The following LRRK1 variants were observed in gnomAD, a reference collection of about 807,000 sequenced individuals.
LRRK1 encodes the protein leucine rich repeat kinase 1.
LRRK1 carries 113 observed loss-of-function variants against 209.1 expected under a neutral mutation model. The ratio of observed to expected loss-of-function variants is 0.54; its 90% confidence interval spans 0.46 to 0.63. LRRK1 has a LOEUF of 0.63. LRRK1 is among the 30% of genes least tolerant of loss of function. The pLI is 0.00. For synonymous variants in LRRK1, 1,144 were observed against 1,099.7 expected (o/e 1.04, Z -0.80); for missense variants, 2,284 against 2,632.2 (o/e 0.87, Z 2.89).
At chr15:101,009,662 A>G (rs1442147038) in intron 7 of LRRK1, among the ~76,000 whole-genome samples, 1 of 152,144 alleles carries the variant, frequency 6.6e-6, no homozygotes, top group East Asian at 1.9e-4. Context: ...ATCTCGGCTC[A>G]TGGCAACCTG....
intron 27 of LRRK1, 127 bp downstream of exon 27, chr15:101,055,350 T>C: frequency 1.1e-6 from 1 of 911,182 alleles, no homozygotes; most frequent in Non-Finnish European, 1.5e-6. Flanking sequence ...TTTCTCACTC[T>C]CCCTTGCTCA....
intron 3 of LRRK1, among the ~76,000 whole-genome samples, chr15:100,981,921 T>C (rs1035782995): frequency 6.6e-6 from 1 of 152,244 alleles, no homozygotes; most frequent in Non-Finnish European, 1.5e-5. Flanking sequence ...CAAATGTGCT[T>C]GTCGGGGGCT....
chr15:101,014,571 A>G (rs1000570624), intron 11 of LRRK1, 143 bp downstream of exon 11: 17 of 665,338 alleles, frequency 2.6e-5, no homozygotes, highest in Non-Finnish European at 4.2e-5. Context: ...TCACTGCCTC[A>G]CAGCCCTGGG....
intron 22 of LRRK1, chr15:101,049,351 A>G: frequency 3.1e-6 from 1 of 321,678 alleles, no homozygotes; most frequent in South Asian, 7.2e-5. Flanking sequence ...GAGCATACTG[A>G]GGTTCAGGGA....
intron 2 of LRRK1, among the ~76,000 whole-genome samples, chr15:100,951,297 G>A (rs894095777): frequency 6.6e-6 from 1 of 152,208 alleles, no homozygotes; most frequent in African/African-American, 2.4e-5. Context: ...ATGGCAAGCG[G>A]TAGTCAGGAT....
chr15:100,954,273 A>G lies in LRRK1; in HGVS notation c.98-19531A>G, dbSNP rs887395096. On this transcript the variant is annotated intron_variant, in intron 2 of 33. Transcript: ENST00000388948. ...TTAGACGTGCCGACAACCTTTTCCT[A>G]TACCTTTGGTCATTTGTATGTCTTC... 2.0e-5 allele frequency among the ~76,000 whole-genome samples: 3 copies of G among 152,070 alleles called. No individual in the cohort carries two copies. The East Asian group carries it at 5.8e-4, about 29-fold the overall frequency.
At chr15:100,955,279 T>C (rs2042730278) in intron 2 of LRRK1, among the ~76,000 whole-genome samples, 1 of 152,222 alleles carries the variant, frequency 6.6e-6, no homozygotes, top group Non-Finnish European at 1.5e-5. Flanking sequence ...GGGATTGTTT[T>C]CTTAATTTCT....
In LRRK1 at chr15:101,024,424, C is replaced by A. The variant is rs1486596144; in HGVS notation, c.2068-379C>A. The stretch of plus-strand genomic sequence containing the variant: ...GAGCCCCACAAGTTCAGAGGCCCAT[C>A]TCCTCCTCTTGCCCTGGCACACAGG... On this transcript the variant is annotated intron_variant, in intron 15 of 33. Coordinates refer to ENST00000388948, the MANE Select transcript of LRRK1 (RefSeq NM_024652.6). This position sits in a 1 kb window ranked among gnomAD's most constrained non-coding sequence, Gnocchi z 4.6. Among the ~76,000 whole-genome samples the A allele has an allele frequency of 6.6e-6, 1 of 152,226 alleles. No individual in the cohort carries two copies. Among genetic ancestry groups the A allele is most frequent in the Non-Finnish European group, 1.5e-5 (1 of 68,030 alleles).
intron 2 of LRRK1, among the ~76,000 whole-genome samples, chr15:100,955,930 G>T (rs760966701): frequency 6.6e-5 from 10 of 152,252 alleles, no homozygotes; most frequent in Non-Finnish European, 1.2e-4. Flanking sequence ...GTTCAGCAGG[G>T]ATATTGGTCT....
chr15:101,026,062 A>G lies in LRRK1; in HGVS notation c.2330A>G (p.Tyr777Cys). The G allele has an allele frequency of 1.9e-6, 3 of 1,614,236 alleles. No individual in the cohort carries two copies. Among genetic ancestry groups the G allele is most frequent in the Non-Finnish European group, 2.5e-6 (3 of 1,180,026 alleles). ...GAAAGGATTGCAACGCTGCGTGCCT[A>G]TGTGCTGGCACTCTGCCGCTCCCCC... ...RVERIATLRAYVLALCRSPSG... is the reference protein window; with the variant it reads ...RVERIATLRACVLALCRSPSG... The change falls in exon 17 of 34, where the codon TAT (tyrosine) becomes TGT (cysteine). Residue 777 changes from tyrosine to cysteine, a missense_variant. Tyr to Cys is a radical substitution (Grantham distance 194). Transcript: ENST00000388948.
chr15:100,920,404 A>G lies in LRRK1; in HGVS notation c.-123+953A>G, dbSNP rs535615984. 4 of 152,310 alleles carry G rather than the reference A, an allele frequency of 2.6e-5. No individual in the cohort carries two copies. The East Asian group carries it at 7.7e-4, about 29-fold the overall frequency. 9.4% of individuals were successfully genotyped at this position (152,310 alleles called of 1,614,324 possible). A position where few individuals can be genotyped will look rare whatever the true frequency, so the allele number is the denominator to read the frequency against. On this transcript the variant is annotated intron_variant, in intron 1 of 33. Coordinates refer to ENST00000388948, the MANE Select transcript of LRRK1 (RefSeq NM_024652.6). ...CAATTTTGGAAAATGTTAACATTAA[A>G]CGCCTTTTATGATTTGATTCTCTTC...
At chr15:101,066,851 G>A in intron 33 of LRRK1, 110 bp downstream of exon 33, 1 of 980,956 alleles carries the variant, frequency 1.0e-6, no homozygotes, top group Non-Finnish European at 1.6e-6. Flanking sequence ...CTCCCAAATA[G>A]CATAGCCACT....
intron 3 of LRRK1, among the ~76,000 whole-genome samples, chr15:100,978,708 G>T (rs2031436035): frequency 6.6e-6 from 1 of 152,140 alleles, no homozygotes; most frequent in African/African-American, 2.4e-5. Context: ...AATAGGAAAT[G>T]CATAATTTGA....
chr15:100,929,336 C>T (rs2042168924), intron 2 of LRRK1, among the ~76,000 whole-genome samples: 1 of 152,114 alleles, frequency 6.6e-6, no homozygotes, highest in East Asian at 1.9e-4. Context: ...CAGTCACACA[C>T]CTCTCAGAGC....
At chr15:101,062,349 A>G in intron 30 of LRRK1, 1 of 453,614 alleles carries the variant, frequency 2.2e-6, no homozygotes. Context: ...TCTGGGGAAT[A>G]GATGACGGGC....
At chr15:100,968,904 T>A (rs2030675129) in intron 2 of LRRK1, among the ~76,000 whole-genome samples, 1 of 151,868 alleles carries the variant, frequency 6.6e-6, no homozygotes, top group African/African-American at 2.4e-5. Flanking sequence ...AGTGGTGTAG[T>A]CACAGCTCAT....
chr15:101,008,959 G>T lies in LRRK1; in HGVS notation c.885G>T (p.Ser295=), dbSNP rs771062551. The part of the protein sequence containing the change: ...LSANCLATLP[S]VIPWGLINLR... ...CCAACTGCCTGGCGACCCTCCCCTC[G>T]GTTATCCCCTGGGGCCTCATCAATC... is the stretch of plus-strand genomic sequence containing the variant. The change falls in exon 7 of 34, where the codon TCG becomes TCT. Residue 295 remains serine (S), a synonymous_variant. Transcript: ENST00000388948. 6.2e-7 allele frequency: 1 copy of T among 1,614,068 alleles called. No homozygotes were observed. The highest frequency in any genetic ancestry group is 1.1e-5 in the South Asian group (1 of 91,078).
At chr15:101,041,268 C>A (rs1276096969) in intron 20 of LRRK1, among the ~76,000 whole-genome samples, 1 of 152,138 alleles carries the variant, frequency 6.6e-6, no homozygotes, top group Non-Finnish European at 1.5e-5. Context: ...AGGTTATGAT[C>A]TCTATAAAAA....
At chr15:101,066,564 TC>T in intron 32 of LRRK1, 75 bp from the exon 33 acceptor site, 1 of 1,384,694 alleles carries the variant, frequency 7.2e-7, no homozygotes, top group Non-Finnish European at 1.0e-6. Context: ...CCCGCACCTT[TC>T]TGCACACCGG....
Sources: gnomAD v4.1 joint callset for allele counts (sites outside exome capture counted in the v4.1 genomes callset) on GRCh38, gnomAD v4.1.1 for gene constraint, Gnocchi (gnomAD v3.1) non-coding constraint, MANE v1.5 for transcripts, NCBI Gene and HGNC (gene_info 2026-07-23, HGNC 2026-07-21) for gene names.